Variants in PRSS23 observed in about 807,000 individuals in gnomAD.
PRSS23 encodes serine protease 23.
A neutral mutation model predicts 34.7 loss-of-function variants in PRSS23; 25 were observed. The observed-to-expected ratio is 0.72, with a 90% CI of 0.53 to 1.01. The LOEUF (loss-of-function observed/expected upper bound fraction) is 1.01. PRSS23 is among the 50% of genes least tolerant of loss of function. The pLI is 0.00. For missense variants in PRSS23, 445 were observed against 475.6 expected (o/e 0.94, Z 0.60); for synonymous variants, 176 against 186.6 (o/e 0.94, Z 0.46).
chr11:86,884,581 C>T lies in PRSS23; in HGVS notation c.206+60988C>T, dbSNP rs540364889. On this transcript the variant is annotated intron_variant, in intron 2 of 2. Transcript: ENST00000533902. ...CCTCCCAAAGTGCTGGGATTACAGG[C>T]GTAAGCCACCACACCCAGTCTTGCA... 2.6e-5 allele frequency among the ~76,000 whole-genome samples: 4 copies of T among 152,318 alleles called. No individual in the cohort carries two copies. The East Asian group carries it at 5.8e-4, about 22-fold the overall frequency.
At chr11:86,929,113 G>C (rs557304463) in intron 2 of PRSS23, among the ~76,000 whole-genome samples, 22 of 152,136 alleles carry the variant, frequency 1.4e-4, no homozygotes, top group African/African-American at 5.3e-4. Flanking sequence ...CCTGAGGTTG[G>C]GAGTTCAGGA....
intron 2 of PRSS23, among the ~76,000 whole-genome samples, chr11:86,917,062 G>A (rs1424186711): frequency 6.6e-6 from 1 of 152,226 alleles, no homozygotes; most frequent in Non-Finnish European, 1.5e-5. Context: ...GCTCACGCCT[G>A]TAATCCCAGC....
chr11:86,804,509 A>G (rs1948076786), intron 1 of PRSS23, among the ~76,000 whole-genome samples: 1 of 152,244 alleles, frequency 6.6e-6, no homozygotes, highest in East Asian at 1.9e-4. Context: ...GCAAACTAAT[A>G]GAAATTAGGA....
intron 2 of PRSS23, among the ~76,000 whole-genome samples, chr11:86,863,894 A>G (rs962525685): frequency 2.6e-5 from 4 of 152,212 alleles, no homozygotes; most frequent in Admixed American, 1.3e-4. Context: ...TTGTGTTGCA[A>G]TGCTTGACAC....
At chr11:86,951,347 T>C (rs749017436) in exon 3 of PRSS23, 1 of 1,613,798 alleles carries the variant, frequency 6.2e-7, no homozygotes, top group Non-Finnish European at 8.5e-7. Context: ...GTTGGAATCA[T>C]CTGCAGAATA....
chr11:86,856,679 C>T (rs533650663), intron 2 of PRSS23, among the ~76,000 whole-genome samples: 2 of 152,292 alleles, frequency 1.3e-5, no homozygotes, highest in South Asian at 4.2e-4. Flanking sequence ...CTTAGACAAA[C>T]CATTGGTGTT....
intron 2 of PRSS23, among the ~76,000 whole-genome samples, chr11:86,900,762 A>G (rs1037238498): frequency 7.0e-6 from 1 of 142,268 alleles, no homozygotes; most frequent in South Asian, 2.3e-4. Context: ...TTCAAATTTC[A>G]GCATTATTAT....
At chr11:86,938,596 T>C (rs1949180129) in intron 2 of PRSS23, among the ~76,000 whole-genome samples, 1 of 152,074 alleles carries the variant, frequency 6.6e-6, no homozygotes, top group African/African-American at 2.4e-5. Flanking sequence ...GAGCCAGACC[T>C]GAGGGTCTTG....
downstream of PRSS23, among the ~76,000 whole-genome samples, chr11:86,815,323 A>G (rs1428887519): frequency 6.6e-6 from 1 of 152,078 alleles, no homozygotes; most frequent in East Asian, 1.9e-4. Flanking sequence ...TGTTATATTT[A>G]TGTATTTGTC....
chr11:86,876,031 T>C (rs1175663300), intron 2 of PRSS23, among the ~76,000 whole-genome samples: 2 of 152,346 alleles, frequency 1.3e-5, no homozygotes, highest in Admixed American at 1.3e-4. Flanking sequence ...CCCATTTTTG[T>C]CTAGGTAGAC....
chr11:86,841,168 C>A (rs1002435565), intron 2 of PRSS23, among the ~76,000 whole-genome samples: 1 of 151,728 alleles, frequency 6.6e-6, no homozygotes, highest in African/African-American at 2.4e-5. Context: ...GGAGATACTC[C>A]ATCTCTACTA....
At chr11:86,875,432 G>A (rs1403351160) in intron 2 of PRSS23, among the ~76,000 whole-genome samples, 1 of 152,120 alleles carries the variant, frequency 6.6e-6, no homozygotes, top group Non-Finnish European at 1.5e-5. Context: ...ACCAGGCTCA[G>A]CACATGATTT....
chr11:86,881,530 A>G (rs1948772188), intron 2 of PRSS23, among the ~76,000 whole-genome samples: 1 of 152,122 alleles, frequency 6.6e-6, no homozygotes, highest in Admixed American at 6.5e-5. Flanking sequence ...TTGCACCTAC[A>G]TTCATAAGAG....
Position 86,823,418 on chromosome 11 carries a change from T to C in PRSS23, c.31T>C (p.Trp11Arg), listed in dbSNP as rs1159120998. The C allele has an allele frequency of 4.3e-6, 3 of 702,362 alleles. No individual in the cohort carries two copies. The South Asian group carries it at 4.4e-5, about 10-fold the overall frequency. The allele number at this position is 702,362 out of a possible 1,614,324, so 43.5% of individuals were successfully genotyped here. A position where few individuals can be genotyped will look rare whatever the true frequency, so the allele number is the denominator to read the frequency against. ...TAGAATGAGACCTGTGTGCCAACCC[T>C]GGCCTAGTCCTCATGCCCCCACAAC... Residue 11 changes from tryptophan (W) to arginine (R), a missense_variant, in exon 2 of 3, where the codon TGG (tryptophan) becomes CGG (arginine). By Grantham distance (101) the Trp-to-Arg change is moderately radical (BLOSUM62 -3). Coordinates refer to the PRSS23 transcript ENST00000533902.
chr11:86,821,424 G>GACAT (rs1948250771), intron 1 of PRSS23: 21 of 1,517,608 alleles, frequency 1.4e-5, no homozygotes, highest in Non-Finnish European at 1.9e-5. Flanking sequence ...CTCTTCAGAA[G>GACAT]ACATGCAGCA....
chr11:86,898,674 A>G (rs1287989969), intron 2 of PRSS23, among the ~76,000 whole-genome samples: 1 of 152,232 alleles, frequency 6.6e-6, no homozygotes, highest in African/African-American at 2.4e-5. Flanking sequence ...AAGATGTGAT[A>G]AGTGTGCTGA....
At chr11:86,925,926 G>A (rs192610506) in intron 2 of PRSS23, among the ~76,000 whole-genome samples, 105 of 152,200 alleles carry the variant, frequency 6.9e-4, no homozygotes, top group African/African-American at 8.9e-4. Flanking sequence ...GGTTTGTTTC[G>A]TGTCATATTC....
At chr11:86,939,186 A>G in intron 2 of PRSS23, 1 of 343,368 alleles carries the variant, frequency 2.9e-6, no homozygotes, top group East Asian at 8.4e-5. Flanking sequence ...AGGGTACTTA[A>G]GAAGTGCTTG....
intron 2 of PRSS23, among the ~76,000 whole-genome samples, chr11:86,881,476 A>G (rs1199223926): frequency 6.6e-6 from 1 of 151,894 alleles, no homozygotes; most frequent in East Asian, 1.9e-4. Flanking sequence ...ATTTTTTTTA[A>G]AATATATGGC....
Sources: allele counts gnomAD v4.1 joint callset (sites outside exome capture counted in the v4.1 genomes callset), GRCh38; gene constraint gnomAD v4.1.1; transcripts MANE v1.5; gene names NCBI Gene and HGNC (gene_info 2026-07-23, HGNC 2026-07-21).